Variants in RBFOX3 observed in about 807,000 individuals in gnomAD.
RBFOX3 encodes RNA binding protein fox-1 homolog 3.
RBFOX3 carries 17 observed loss-of-function variants against 48.7 expected under a neutral mutation model. That is an observed-to-expected ratio of 0.35 (90% CI 0.24 to 0.52). RBFOX3 has a LOEUF of 0.52. Among genes scored for constraint, RBFOX3 ranks in the 20% least tolerant of loss-of-function variants. The pLI, the probability that RBFOX3 is intolerant of heterozygous loss-of-function variation, is 0.94. For synonymous variants in RBFOX3, 212 were observed against 209.5 expected (o/e 1.01, Z -0.10); for missense variants, 382 against 497.5 (o/e 0.77, Z 2.21).
chr17:79,325,305 A>G (rs2079136993), intron 2 of RBFOX3, among the ~76,000 whole-genome samples: 1 of 152,138 alleles, frequency 6.6e-6, no homozygotes, highest in Non-Finnish European at 1.5e-5. Flanking sequence ...TTCCCTGGAG[A>G]TGAGGAGTTT....
At chr17:79,612,593 G>C (rs1247627259), upstream of RBFOX3, among the ~76,000 whole-genome samples, 1 of 152,214 alleles carries the variant, frequency 6.6e-6, no homozygotes, top group Admixed American at 6.5e-5. Context: ...GTCTTGGCCG[G>C]TGGGAATCGT....
chr17:79,485,984 A>G (rs2079530612), intron 1 of RBFOX3, among the ~76,000 whole-genome samples: 1 of 152,268 alleles, frequency 6.6e-6, no homozygotes, highest in Admixed American at 6.5e-5. Flanking sequence ...CATAGCGCAG[A>G]ACACGGGCCT....
intron 4 of RBFOX3, chr17:79,208,332 C>A (rs1253432441): frequency 1.3e-5 from 2 of 152,418 alleles, no homozygotes; most frequent in Non-Finnish European, 2.9e-5. Context: ...TAGCCAAAGG[C>A]CTCGACCGCC....
At chr17:79,580,935 C>A (rs1251587841) in intron 1 of RBFOX3, among the ~76,000 whole-genome samples, 1 of 152,186 alleles carries the variant, frequency 6.6e-6, no homozygotes, top group East Asian at 1.9e-4. Flanking sequence ...GACACTAACC[C>A]AGGCCAATGC....
intron 2 of RBFOX3, among the ~76,000 whole-genome samples, chr17:79,313,777 G>A (rs528649313): frequency 1.7e-3 from 266 of 152,274 alleles, no homozygotes; most frequent in Non-Finnish European, 3.1e-3. Flanking sequence ...TCTCTGCCTC[G>A]GGGTGGGGGG....
intron 2 of RBFOX3, among the ~76,000 whole-genome samples, chr17:79,405,378 T>C (rs547381697): frequency 2.1e-4 from 31 of 149,932 alleles, no homozygotes; most frequent in Non-Finnish European, 3.2e-4. Flanking sequence ...AGCGAGTTTA[T>C]CATCAACTAG....
chr17:79,484,636 C>A (rs2079290462), intron 1 of RBFOX3, among the ~76,000 whole-genome samples: 1 of 152,044 alleles, frequency 6.6e-6, no homozygotes, highest in Non-Finnish European at 1.5e-5. Flanking sequence ...AGGTGGAAGG[C>A]AGCCCAGGTT....
chr17:79,503,339 G>A (rs1379054955), intron 1 of RBFOX3, among the ~76,000 whole-genome samples: 2 of 152,272 alleles, frequency 1.3e-5, no homozygotes, highest in African/African-American at 4.8e-5. Context: ...CCCGGAGCTG[G>A]CACAGCCACC....
At chr17:79,589,432 A>G (rs1599234063) in intron 1 of RBFOX3, among the ~76,000 whole-genome samples, 1 of 152,030 alleles carries the variant, frequency 6.6e-6, no homozygotes, top group African/African-American at 2.4e-5. Context: ...TTTACCCTTC[A>G]GATAAGGACA....
At chr17:79,225,296 T>TC (rs1167018795) in intron 4 of RBFOX3, among the ~76,000 whole-genome samples, 2 of 149,806 alleles carry the variant, frequency 1.3e-5, no homozygotes, top group Non-Finnish European at 3.0e-5. Flanking sequence ...CCATTCTTTT[T>TC]TTTTTTTTTT....
At chr17:79,422,522 G>A (rs1449454219) in intron 2 of RBFOX3, among the ~76,000 whole-genome samples, 6 of 152,118 alleles carry the variant, frequency 3.9e-5, no homozygotes, top group African/African-American at 4.8e-5. Flanking sequence ...CTGTCCTCCC[G>A]CTCCCTACAC....
chr17:79,660,079 C>T, the RBFOX3 span, among the ~76,000 whole-genome samples: 5 of 152,086 alleles, frequency 3.3e-5, no homozygotes, highest in African/African-American at 1.2e-4. Flanking sequence ...CCCAGCTACT[C>T]AGGAGGCTGA....
chr17:79,149,024 G>C (rs1276088186), intron 4 of RBFOX3, among the ~76,000 whole-genome samples: 1 of 152,204 alleles, frequency 6.6e-6, no homozygotes, highest in Non-Finnish European at 1.5e-5. Context: ...CTTGGACTGG[G>C]TGGGATTCAA....
At chr17:79,600,357 T>C (rs1353796906) in intron 1 of RBFOX3, 1 of 151,308 alleles carries the variant, frequency 6.6e-6, no homozygotes, top group Admixed American at 6.6e-5. Flanking sequence ...CACAGGCACA[T>C]GCATGTACAA....
intron 2 of RBFOX3, among the ~76,000 whole-genome samples, chr17:79,408,680 A>G (rs1295690932): frequency 1.4e-4 from 21 of 152,194 alleles, no homozygotes; most frequent in Admixed American, 1.2e-3. Flanking sequence ...TGAGGCCCAC[A>G]TTGTTTGGCT....
the RBFOX3 span, among the ~76,000 whole-genome samples, chr17:79,625,178 C>A: frequency 6.6e-6 from 1 of 152,146 alleles, no homozygotes; most frequent in African/African-American, 2.4e-5. Flanking sequence ...CTGTATTCCC[C>A]ACCCCCGGGC....
chr17:79,553,735 G>A (rs909639367), intron 1 of RBFOX3, among the ~76,000 whole-genome samples: 82 of 151,466 alleles, frequency 5.4e-4, no homozygotes, highest in Non-Finnish European at 6.8e-4. Context: ...GTTTGTTTTC[G>A]TTTTTGAGAC....
chr17:79,575,311 T>G (rs2092822043), intron 1 of RBFOX3, among the ~76,000 whole-genome samples: 1 of 151,356 alleles, frequency 6.6e-6, no homozygotes, highest in African/African-American at 2.4e-5. Context: ...CAGGAACGAG[T>G]ACATGGGATA....
chr17:79,606,409 T>G (rs936257739), intron 1 of RBFOX3, among the ~76,000 whole-genome samples: 36 of 152,260 alleles, frequency 2.4e-4, no homozygotes, highest in African/African-American at 8.2e-4. Flanking sequence ...AGAGGGGGAC[T>G]CCCGTGGTAC....
Sources: allele counts gnomAD v4.1 joint callset (sites outside exome capture counted in the v4.1 genomes callset), GRCh38; gene constraint gnomAD v4.1.1; transcripts MANE v1.5; gene names NCBI Gene and HGNC (gene_info 2026-07-23, HGNC 2026-07-21).